Variants in BTBD9 observed in about 807,000 individuals in gnomAD.
BTBD9 encodes the protein BTB/POZ domain-containing protein 9.
A neutral mutation model predicts 64.3 loss-of-function variants in BTBD9; 49 were observed. That is an observed-to-expected ratio of 0.76 (90% CI 0.61 to 0.97). The LOEUF (loss-of-function observed/expected upper bound fraction) is 0.97, where lower values mean the gene tolerates loss of function less well. BTBD9 is among the 50% of genes least tolerant of loss of function. BTBD9 has a pLI of 0.00. For synonymous variants in BTBD9, 260 were observed against 274.7 expected, an observed-to-expected ratio of 0.95 and a Z score of 0.53; for missense variants, 598 against 762.1, an observed-to-expected ratio of 0.78 and a Z score of 2.53.
At chr6:38,309,360 T>C (rs1383526605) in intron 7 of BTBD9, among the ~76,000 whole-genome samples, 2 of 151,318 alleles carry the variant, frequency 1.3e-5, no homozygotes, top group Non-Finnish European at 2.9e-5. Context: ...CGGAGTGAGA[T>C]TCCATCTCCC....
intron 1 of BTBD9, among the ~76,000 whole-genome samples, chr6:38,637,013 T>C (rs1778549893): frequency 6.6e-6 from 1 of 152,208 alleles, no homozygotes; most frequent in Non-Finnish European, 1.5e-5. Flanking sequence ...TTGCTTATGC[T>C]GGCCCCTGGA....
chr6:38,515,333 T>A (rs1042130167), intron 6 of BTBD9, among the ~76,000 whole-genome samples: 1 of 152,190 alleles, frequency 6.6e-6, no homozygotes, highest in Non-Finnish European at 1.5e-5. Flanking sequence ...TCTTACATCA[T>A]GACAACTTCA....
At chr6:38,323,712 T>C (rs1763318639) in intron 7 of BTBD9, among the ~76,000 whole-genome samples, 1 of 152,240 alleles carries the variant, frequency 6.6e-6, no homozygotes, top group Non-Finnish European at 1.5e-5. Flanking sequence ...AGATATATGT[T>C]AATTTGCTTG....
chr6:38,598,029 C>T lies in BTBD9; in HGVS notation c.66G>A (p.Leu22=), dbSNP rs1777107514. Residue 22 remains leucine, a synonymous_variant, in exon 2 of 11, where the codon TTG becomes TTA. Transcript: ENST00000481247. Reference sequence around the variant, plus strand: ...TCAACAAGGCACCAATATGTTCAGACAAAATGTGCACATGATCAATTTCCC... The same window carrying T: ...TCAACAAGGCACCAATATGTTCAGATAAAATGTGCACATGATCAATTTCCC... ...AVGEIDHVHI[L]SEHIGALLIG... is the part of the protein sequence containing the mutation. The T allele has an allele frequency of 6.2e-7, 1 of 1,613,958 alleles. No homozygotes were observed. Among genetic ancestry groups the T allele is most frequent in the Non-Finnish European group, 8.5e-7 (1 of 1,179,876 alleles).
chr6:38,243,742 C>T (rs1285766483), intron 9 of BTBD9, among the ~76,000 whole-genome samples: 1 of 152,116 alleles, frequency 6.6e-6, no homozygotes, highest in Non-Finnish European at 1.5e-5. Flanking sequence ...TAGTTTGAGA[C>T]AAGTTGTGTT....
chr6:38,490,021 T>C (rs1289238833), intron 6 of BTBD9, among the ~76,000 whole-genome samples: 3 of 152,356 alleles, frequency 2.0e-5, no homozygotes, highest in South Asian at 2.1e-4. Context: ...TGTAATGCCA[T>C]ATAAGGGATG....
At chr6:38,287,072 G>T (rs1349967851) in intron 8 of BTBD9, among the ~76,000 whole-genome samples, 1 of 100,090 alleles carries the variant, frequency 1.0e-5, no homozygotes, top group Non-Finnish European at 1.8e-5. Flanking sequence ...ACAATAGTGA[G>T]GCTCCATCTC....
chr6:38,188,484 G>A (rs1036861850), intron 10 of BTBD9, among the ~76,000 whole-genome samples: 10 of 152,270 alleles, frequency 6.6e-5, no homozygotes, highest in African/African-American at 2.4e-4. Context: ...GGCAAAGCGT[G>A]TGTTCACGCA....
At chr6:38,585,970 A>ACC (rs893715850) in intron 4 of BTBD9, among the ~76,000 whole-genome samples, 2 of 151,174 alleles carry the variant, frequency 1.3e-5, no homozygotes, top group African/African-American at 4.9e-5. Context: ...ACACACACAC[A>ACC]CACACACACG....
rs112742587 is a variant in BTBD9 at position 38,472,420 on chromosome 6, G to C, written c.1154+105180C>G. On this transcript the variant is annotated intron_variant, in intron 6 of 10. Coordinates refer to ENST00000481247, the MANE Select transcript of BTBD9 (RefSeq NM_001099272.2). ...TAAATAACATTTTACAGAGTGTTAA[G>C]CAGCAAGTGCAACTGTGTCAGGCTG... 5.2e-3 allele frequency among the ~76,000 whole-genome samples: 784 copies of C among 152,220 alleles called. 2 individuals carry two copies. Among genetic ancestry groups the C allele is most frequent in the African/African-American group, 0.018 (732 of 41,518 alleles).
At chr6:38,273,446 G>C (rs961447391) in intron 8 of BTBD9, among the ~76,000 whole-genome samples, 2 of 152,170 alleles carry the variant, frequency 1.3e-5, no homozygotes, top group Non-Finnish European at 2.9e-5. Context: ...ATTCCAGGGA[G>C]GATGGAGCAG....
At chr6:38,318,818 A>G (rs1202828172) in intron 7 of BTBD9, among the ~76,000 whole-genome samples, 1 of 152,196 alleles carries the variant, frequency 6.6e-6, no homozygotes, top group Non-Finnish European at 1.5e-5. Flanking sequence ...ATCAGCAGGT[A>G]GTGAAGCCAG....
In BTBD9 at chr6:38,594,188, C is replaced by G. The variant is rs1776938479; in HGVS notation, c.325G>C (p.Val109Leu). The G allele has an allele frequency of 1.2e-6, 2 of 1,614,174 alleles. No individual in the cohort carries two copies. Among genetic ancestry groups the G allele is most frequent in the Non-Finnish European group, 1.7e-6 (2 of 1,180,024 alleles). ...RATLTDEKEE[V>L]LLDFLSLAHK... ...GCCAGGCTCAAAAAGTCCAGCAGCA[C>G]CTCCTCCTTCTCATCTGTCAGCGTT... is the stretch of plus-strand genomic sequence containing the variant. The change falls in exon 3 of 11, where the codon GTG (valine) becomes CTG (leucine). Residue 109 changes from valine to leucine, a missense_variant. Physicochemically the swap from Val to Leu is conservative, Grantham distance 32 (BLOSUM62 1). Coordinates refer to ENST00000481247, the MANE Select transcript of BTBD9 (RefSeq NM_001099272.2).
intron 10 of BTBD9, chr6:38,179,944 C>A (rs1761473082): frequency 2.4e-6 from 1 of 411,542 alleles, no homozygotes; most frequent in Non-Finnish European, 4.9e-6. Flanking sequence ...ACATAAAGAT[C>A]TGGGCCTTGG....
chr6:38,334,560 C>T (rs1763808656), intron 7 of BTBD9, among the ~76,000 whole-genome samples: 1 of 151,578 alleles, frequency 6.6e-6, no homozygotes, highest in Admixed American at 6.6e-5. Context: ...CAGAGCGAGA[C>T]TCCATCTCAA....
Position 38,299,956 on chromosome 6 carries a change from G to T in BTBD9, c.1265-11495C>A, listed in dbSNP as rs1437991541. On this transcript the variant is annotated intron_variant, in intron 7 of 10. Transcript: ENST00000481247. Reference sequence around the variant, plus strand: ...CCATGCCTATGTCCTGAATGGTATTGCCTAGGTTTTCTTCTAGGGTTTTTA... The same window carrying T: ...CCATGCCTATGTCCTGAATGGTATTTCCTAGGTTTTCTTCTAGGGTTTTTA... Among the ~76,000 whole-genome samples the T allele has an allele frequency of 2.0e-5, 3 of 152,160 alleles. No homozygotes were observed. The East Asian group carries it at 5.8e-4, about 29-fold the overall frequency.
intron 7 of BTBD9, among the ~76,000 whole-genome samples, chr6:38,313,777 T>G: frequency 7.0e-6 from 1 of 143,448 alleles, no homozygotes; most frequent in African/African-American, 2.6e-5. Context: ...TGAGATGGAG[T>G]CTCACTCCGT....
chr6:38,293,025 T>C (rs964183807), intron 7 of BTBD9, among the ~76,000 whole-genome samples: 21 of 152,202 alleles, frequency 1.4e-4, no homozygotes, highest in African/African-American at 4.8e-4. Flanking sequence ...TGTGTCTTTG[T>C]TCTCATTGGT....
At chr6:38,461,945 G>T (rs1049493906) in intron 6 of BTBD9, among the ~76,000 whole-genome samples, 2 of 152,160 alleles carry the variant, frequency 1.3e-5, no homozygotes, top group African/African-American at 4.8e-5. Flanking sequence ...ATCTTTTCAT[G>T]TGTTTATTTG....
Sources: gnomAD v4.1 joint callset for allele counts (sites outside exome capture counted in the v4.1 genomes callset) on GRCh38, gnomAD v4.1.1 for gene constraint, MANE v1.5 for transcripts, NCBI Gene and HGNC (gene_info 2026-07-23, HGNC 2026-07-21) for gene names.